The following OSBP2 variants were observed in gnomAD, a reference collection of about 807,000 sequenced individuals.
The protein encoded by OSBP2 is oxysterol binding protein 2.
OSBP2 carries 66 observed loss-of-function variants against 96.0 expected under a neutral mutation model. The ratio of observed to expected loss-of-function variants is 0.69; its 90% CI spans 0.56 to 0.84. The LOEUF (loss-of-function observed/expected upper bound fraction) is 0.84. Among genes scored for constraint, OSBP2 ranks in the 40% least tolerant of loss-of-function variants. The pLI is 0.00. For missense variants in OSBP2, 1,038 were observed against 1,222.7 expected, an observed-to-expected ratio of 0.85 and a Z score of 2.25; for synonymous variants, 525 against 520.9, an observed-to-expected ratio of 1.01 and a Z score of -0.11.
chr22:30,780,941 G>A (rs2090510306), intron 2 of OSBP2, among the ~76,000 whole-genome samples: 2 of 152,058 alleles, frequency 1.3e-5, no homozygotes, highest in African/African-American at 4.8e-5. Flanking sequence ...ACCACAGAAG[G>A]TTCTGTGCCT....
intron 1 of OSBP2, among the ~76,000 whole-genome samples, chr22:30,730,204 T>G (rs1185480157): frequency 1.3e-5 from 2 of 152,122 alleles, no homozygotes; most frequent in Non-Finnish European, 2.9e-5. Context: ...TTCAAGTGAT[T>G]TGACGACCTC....
chr22:30,711,184 G>A (rs947410323), intron 1 of OSBP2, among the ~76,000 whole-genome samples: 1 of 143,496 alleles, frequency 7.0e-6, no homozygotes, highest in Non-Finnish European at 1.5e-5. Context: ...TTGTTTCTAG[G>A]TCTTTTTAGT....
rs1161005465 is a variant in OSBP2, at chr22:30,888,143, G to T, written c.1301-80G>T. The T allele has an allele frequency of 3.3e-6, 3 of 922,260 alleles. No homozygotes were observed. In the East Asian group the frequency reaches 7.2e-5, roughly 22 times the overall value. The allele number at this position is 922,260 out of a possible 1,614,324, so 57.1% of individuals were successfully genotyped here. A position where few individuals can be genotyped will look rare whatever the true frequency, so the allele number is the denominator to read the frequency against. On this transcript the variant is annotated intron_variant, in intron 4 of 13. Transcript: ENST00000332585. The stretch of plus-strand genomic sequence containing the variant: ...GAGTGAGGCCAGATGGGGGTTGGGG[G>T]AGCCCTTGGCTCTGGACTTAGGGAG...
At chr22:30,780,981 A>G (rs889843434) in intron 2 of OSBP2, among the ~76,000 whole-genome samples, 1 of 147,814 alleles carries the variant, frequency 6.8e-6, no homozygotes, top group Non-Finnish European at 1.5e-5. Flanking sequence ...AATATTTAAA[A>G]TTTTTTTTTT....
chr22:30,872,424 T>C (rs2039478057), intron 3 of OSBP2: 3 of 455,252 alleles, frequency 6.6e-6, no homozygotes, highest in Non-Finnish European at 1.3e-5. Flanking sequence ...CTGGCTGCCG[T>C]CTTGCACAGT....
At chr22:30,719,885 A>G (rs1049008069) in intron 1 of OSBP2, among the ~76,000 whole-genome samples, 3 of 152,124 alleles carry the variant, frequency 2.0e-5, no homozygotes, top group Non-Finnish European at 4.4e-5. Flanking sequence ...AGGGAACAAC[A>G]ACAACAACAA....
chr22:30,902,230 A>G lies in OSBP2; in HGVS notation c.2376-3607A>G, dbSNP rs1182649352. ...TCGCTCACAGAGCCCCACACACAGCATATGTAGGGAATCTACCTTTTAATA... is the reference window on the plus strand; with the variant it reads ...TCGCTCACAGAGCCCCACACACAGCGTATGTAGGGAATCTACCTTTTAATA... On this transcript the variant is annotated intron_variant, in intron 12 of 13. Transcript: ENST00000332585. The G allele has an allele frequency of 4.7e-6, 7 of 1,491,016 alleles. No individual in the cohort carries two copies. The East Asian group carries it at 1.4e-4, about 29-fold the overall frequency. The allele number at this position is 1,491,016 out of a possible 1,614,324, so 92.4% of individuals were successfully genotyped here.
intron 1 of OSBP2, among the ~76,000 whole-genome samples, chr22:30,724,838 C>A (rs1326106006): frequency 2.0e-5 from 3 of 152,086 alleles, no homozygotes; most frequent in African/African-American, 7.2e-5. Flanking sequence ...GACAGATATC[C>A]CAGTGTGCTC....
chr22:30,735,529 C>T (rs1024665971), intron 1 of OSBP2, among the ~76,000 whole-genome samples: 8 of 148,468 alleles, frequency 5.4e-5, no homozygotes, highest in South Asian at 2.1e-4. Flanking sequence ...CGAGACTGGT[C>T]GTGATCTCCT....
At chr22:30,741,019 A>T in intron 1 of OSBP2, 142 bp from the exon 2 acceptor site, 1 of 664,156 alleles carries the variant, frequency 1.5e-6, no homozygotes, top group Non-Finnish European at 2.6e-6. Context: ...CAGTTCCAAT[A>T]GGCATCATCT....
intron 1 of OSBP2, among the ~76,000 whole-genome samples, chr22:30,738,639 C>T (rs2089890249): frequency 6.6e-6 from 1 of 151,846 alleles, no homozygotes; most frequent in African/African-American, 2.4e-5. Flanking sequence ...TGTCTCATTG[C>T]AACCTCCGCC....
At chr22:30,884,698 G>C (rs577844027) in intron 3 of OSBP2, among the ~76,000 whole-genome samples, 2 of 152,182 alleles carry the variant, frequency 1.3e-5, no homozygotes, top group South Asian at 4.1e-4. Flanking sequence ...TGTGGGGTGG[G>C]CGAGTCCCCA....
At chr22:30,862,085 T>A (rs1183745094) in intron 2 of OSBP2, among the ~76,000 whole-genome samples, 1 of 152,210 alleles carries the variant, frequency 6.6e-6, no homozygotes, top group Non-Finnish European at 1.5e-5. Context: ...CCCTCCTGTG[T>A]CTGGTCAGAG....
At chr22:30,808,704 C>T (rs569357711) in intron 2 of OSBP2, among the ~76,000 whole-genome samples, 154 of 152,238 alleles carry the variant, frequency 1.0e-3, no homozygotes, top group Middle Eastern at 3.4e-3. Flanking sequence ...CCTGTAATCC[C>T]AGCACTTTGA....
intron 1 of OSBP2, among the ~76,000 whole-genome samples, chr22:30,733,888 G>T (rs1243662941): frequency 1.3e-5 from 2 of 152,184 alleles, no homozygotes; most frequent in Non-Finnish European, 2.9e-5. Flanking sequence ...TTGTACTGCA[G>T]ATGTTTAGTA....
intron 9 of OSBP2, 39 bp downstream of exon 9, chr22:30,893,281 A>T: frequency 6.2e-7 from 1 of 1,613,588 alleles, no homozygotes; most frequent in Non-Finnish European, 8.5e-7. Context: ...ACACAGAGAC[A>T]TTGTGCATAA....
In OSBP2 at chr22:30,889,182, A is replaced by T. The variant is rs1161072492; in HGVS notation, c.1424A>T (p.Lys475Ile). 2.5e-6 allele frequency: 4 copies of T among 1,613,334 alleles called. No homozygotes were observed. In the African/African-American group the frequency reaches 5.3e-5, roughly 22 times the overall value. Residue 475 changes from lysine (K) to isoleucine (I), a missense_variant, in exon 6 of 14, where the codon AAA becomes ATA. By Grantham distance (102) the Lys-to-Ile change is moderately radical. Around this residue, in one of 3 missense-constraint regions of OSBP2, gnomAD observed 737 missense variants for 913.3 expected, o/e 0.81. Transcript: ENST00000332585. ...VITEAKEDSR[K>I]AEGSTGTSSV... is the part of the protein sequence containing the mutation. ...CTCCCGCTTTGTATTTCCAGCAGAA[A>T]AGCTGAAGGTAGCACCGGGACAAGT...
chr22:30,797,891 G>A (rs1354887273), intron 2 of OSBP2, among the ~76,000 whole-genome samples: 7 of 152,162 alleles, frequency 4.6e-5, no homozygotes, highest in African/African-American at 1.7e-4. Context: ...ACCATACCCA[G>A]CCAATGCTGC....
intron 2 of OSBP2, among the ~76,000 whole-genome samples, chr22:30,862,331 T>C (rs1225196742): frequency 6.6e-6 from 1 of 152,220 alleles, no homozygotes; most frequent in Non-Finnish European, 1.5e-5. Context: ...AGCAGGCTGC[T>C]GTGGTCTCTT....
Sources: gnomAD v4.1 joint callset for allele counts (sites outside exome capture counted in the v4.1 genomes callset) on GRCh38, gnomAD v4.1.1 for gene constraint, gnomAD v4.1.1 regional missense constraint, MANE v1.5 for transcripts, NCBI Gene and HGNC (gene_info 2026-07-23, HGNC 2026-07-21) for gene names.